The following ETNK1 variants were observed in gnomAD, a reference collection of about 807,000 sequenced individuals.
ETNK1 encodes the protein putative protein product of Nbla10396.
ETNK1 carries 8 observed loss-of-function variants against 45.1 expected under a neutral mutation model. The ratio of observed to expected loss-of-function variants is 0.18; its 90% CI spans 0.10 to 0.32. The LOEUF (loss-of-function observed/expected upper bound fraction) is 0.32, where lower values mean the gene tolerates loss of function less well. Among genes scored for constraint, ETNK1 ranks in the 10% least tolerant of loss-of-function variants. The pLI is 1.00. For synonymous variants in ETNK1, 152 were observed against 151.9 expected (o/e 1.00, Z -0.01); for missense variants, 302 against 430.6 (o/e 0.70, Z 2.64).
At chr12:22,640,696 T>G (rs1953725128) in intron 1 of ETNK1, among the ~76,000 whole-genome samples, 1 of 151,896 alleles carries the variant, frequency 6.6e-6, no homozygotes, top group South Asian at 2.1e-4. Flanking sequence ...AGAAGTAGGT[T>G]CTAATGTACT....
intron 2 of ETNK1, chr12:22,656,865 A>G (rs1378476509): frequency 1.1e-6 from 1 of 900,946 alleles, no homozygotes; most frequent in Admixed American, 6.2e-5. Flanking sequence ...TTCAGTAAAT[A>G]TTTCTAAGAT....
intron 1 of ETNK1, among the ~76,000 whole-genome samples, chr12:22,641,358 G>A (rs1398657788): frequency 7.9e-5 from 12 of 152,170 alleles, no homozygotes; most frequent in Non-Finnish European, 1.5e-5. Context: ...GAAAAGAGCA[G>A]CAGTCACTCA....
In ETNK1 at chr12:22,625,371, G is replaced by A; in HGVS notation, c.-60G>A. ...AGGATCCACCAGTCTGTCGGCGCCCGCCGTTCTCGTGGTCGCCGTCGCCGT... is the reference window on the plus strand; with the variant it reads ...AGGATCCACCAGTCTGTCGGCGCCCACCGTTCTCGTGGTCGCCGTCGCCGT... On this transcript the variant is annotated 5_prime_UTR_variant, in exon 1 of 8. Transcript: ENST00000266517. The A allele has an allele frequency of 6.4e-7, 1 of 1,568,334 alleles. No homozygotes were observed. The highest frequency in any genetic ancestry group is 1.7e-4 in the Middle Eastern group (1 of 5,910).
intron 6 of ETNK1, among the ~76,000 whole-genome samples, chr12:22,681,759 A>T (rs963602969): frequency 6.6e-6 from 1 of 152,048 alleles, no homozygotes; most frequent in African/African-American, 2.4e-5. Flanking sequence ...AATTTCTTTA[A>T]TGTCTGGTTT....
At chr12:22,626,378 G>A (rs1953497791) in intron 1 of ETNK1, among the ~76,000 whole-genome samples, 1 of 151,950 alleles carries the variant, frequency 6.6e-6, no homozygotes, top group Admixed American at 6.6e-5. Flanking sequence ...TTTAGTTTCA[G>A]GAACTAGATA....
At chr12:22,636,835 A>T (rs1202175282) in intron 1 of ETNK1, among the ~76,000 whole-genome samples, 1 of 152,246 alleles carries the variant, frequency 6.6e-6, no homozygotes, top group African/African-American at 2.4e-5. Flanking sequence ...GAATATAAAT[A>T]GGTTATGTGC....
chr12:22,651,081 G>A (rs1213114767), intron 2 of ETNK1, among the ~76,000 whole-genome samples: 1 of 152,146 alleles, frequency 6.6e-6, no homozygotes, highest in Admixed American at 6.6e-5. Flanking sequence ...TGCAGAGAGG[G>A]GTCCCAGAGA....
At chr12:22,654,557 G>C (rs1175295757) in intron 2 of ETNK1, among the ~76,000 whole-genome samples, 1 of 152,128 alleles carries the variant, frequency 6.6e-6, no homozygotes, top group Non-Finnish European at 1.5e-5. Flanking sequence ...ATGTATTCCA[G>C]GTCTGTTGCT....
chr12:22,657,049 C>T (rs1270960936), intron 2 of ETNK1, among the ~76,000 whole-genome samples: 1 of 151,974 alleles, frequency 6.6e-6, no homozygotes, highest in African/African-American at 2.4e-5. Flanking sequence ...TTGCACTTTC[C>T]TTTGTTTTGA....
At chr12:22,681,961 G>A (rs1954219240) in intron 6 of ETNK1, among the ~76,000 whole-genome samples, 1 of 152,062 alleles carries the variant, frequency 6.6e-6, no homozygotes. Flanking sequence ...GTTTCTTAAA[G>A]GTTAGTTGCC....
chr12:22,665,848 A>T (rs942462397), intron 4 of ETNK1, among the ~76,000 whole-genome samples: 4 of 152,140 alleles, frequency 2.6e-5, no homozygotes, highest in Middle Eastern at 3.2e-3. Flanking sequence ...GTAGGTAGTT[A>T]TAGGACTTAA....
Position 22,673,475 on chromosome 12 carries a change from GAGTGT to G in ETNK1, c.785-21_785-17del, listed in dbSNP as rs1954130463. 6.5e-7 allele frequency: 1 copy of G among 1,530,544 alleles called. No homozygotes were observed. The highest frequency in any genetic ancestry group is 8.8e-7 in the Non-Finnish European group (1 of 1,132,464). The allele number at this position is 1,530,544 out of a possible 1,614,324, so 94.8% of individuals were successfully genotyped here. Reference sequence around the variant, plus strand: ...GAAGAGTTTATGTTTTAAAATTTTTGAGTGTAGTTTTTTTTCTTCTAAAGGTGTGA... The same window carrying G: ...GAAGAGTTTATGTTTTAAAATTTTTGAGTTTTTTTTCTTCTAAAGGTGTGA... On this transcript the variant is annotated intron_variant, in intron 5 of 7. Transcript: ENST00000266517.
Position 22,687,277 on chromosome 12 carries a change from A to G in ETNK1, c.*2323A>G, listed in dbSNP as rs1375688458. On this transcript the variant is annotated 3_prime_UTR_variant, in exon 8 of 8. Coordinates refer to ENST00000266517, the MANE Select transcript of ETNK1 (RefSeq NM_018638.5). ...GAATTGCTTCCCTTTTATATCGACCATGTAAGGGATTCTAAAGGAGGGTAA... is the reference window on the plus strand; with the variant it reads ...GAATTGCTTCCCTTTTATATCGACCGTGTAAGGGATTCTAAAGGAGGGTAA... 1 of 152,262 alleles carries G rather than the reference A, an allele frequency of 6.6e-6. No individual in the cohort carries two copies. The highest frequency in any genetic ancestry group is 1.5e-5 in the Non-Finnish European group (1 of 67,788). The allele number at this position is 152,262 out of a possible 1,614,324, so 9.4% of individuals were successfully genotyped here. A position where few individuals can be genotyped will look rare whatever the true frequency, so the allele number is the denominator to read the frequency against.
Position 22,686,493 on chromosome 12 carries a change from T to A in ETNK1, c.*1539T>A, listed in dbSNP as rs1350321049. The A allele has an allele frequency of 6.6e-6, 1 of 152,398 alleles. No individual in the cohort carries two copies. Among genetic ancestry groups the A allele is most frequent in the Non-Finnish European group, 1.5e-5 (1 of 67,848 alleles). The allele number at this position is 152,398 out of a possible 1,614,324, so 9.4% of individuals were successfully genotyped here. On this transcript the variant is annotated 3_prime_UTR_variant, in exon 8 of 8. Coordinates refer to ENST00000266517, the MANE Select transcript of ETNK1 (RefSeq NM_018638.5). ...ACTTAATATTCTCAGACAAATGCTT[T>A]AAAATACTTGGATTATCTCAAGATT... is the stretch of plus-strand genomic sequence containing the variant.
intron 2 of ETNK1, among the ~76,000 whole-genome samples, chr12:22,644,882 C>T (rs1189591839): frequency 7.2e-5 from 11 of 151,900 alleles, no homozygotes; most frequent in Non-Finnish European, 8.8e-5. Flanking sequence ...GAAAGGATTT[C>T]GGATGGCCCG....
At chr12:22,681,257 TAGTGTAG>T (rs1353165755) in intron 6 of ETNK1, among the ~76,000 whole-genome samples, 4 of 152,048 alleles carry the variant, frequency 2.6e-5, no homozygotes, top group Non-Finnish European at 5.9e-5. Context: ...AATGCTTCTC[TAGTGTAG>T]AATCGTTTAG....
Position 22,678,754 on chromosome 12 carries a change from T to A in ETNK1, c.945+5094T>A, listed in dbSNP as rs886183279. 2.6e-5 allele frequency among the ~76,000 whole-genome samples: 4 copies of A among 152,314 alleles called. No homozygotes were observed. The East Asian group carries it at 7.7e-4, about 29-fold the overall frequency. On this transcript the variant is annotated intron_variant, in intron 6 of 7. Transcript: ENST00000266517. ...GAGAGATCCATGAAGACACTTGAAG[T>A]TCCTGGACACAAGAAGTTGGACGTT...
intron 6 of ETNK1, among the ~76,000 whole-genome samples, chr12:22,681,826 T>C (rs1565449725): frequency 6.6e-6 from 1 of 152,086 alleles, no homozygotes; most frequent in Non-Finnish European, 1.5e-5. Context: ...TTGTGATGGA[T>C]TGTTTCATTT....
intron 2 of ETNK1, among the ~76,000 whole-genome samples, chr12:22,651,188 G>T (rs1474042828): frequency 6.6e-6 from 1 of 152,184 alleles, no homozygotes; most frequent in South Asian, 2.1e-4. Context: ...AGATTGGTCG[G>T]ACCAGGCGTG....
Sources: allele counts gnomAD v4.1 joint callset (sites outside exome capture counted in the v4.1 genomes callset), GRCh38; gene constraint gnomAD v4.1.1; transcripts MANE v1.5; gene names NCBI Gene and HGNC (gene_info 2026-07-23, HGNC 2026-07-21).